The following GABRG3 variants were observed in gnomAD, a reference collection of about 807,000 sequenced individuals.
The protein encoded by GABRG3 is gamma-aminobutyric acid type A receptor subunit gamma3.
Under a neutral mutation model 48.8 loss-of-function variants are expected in GABRG3, and 25 were observed. The observed-to-expected ratio is 0.51, with a 90% CI of 0.37 to 0.72. The LOEUF is 0.72. Among genes scored for constraint, GABRG3 ranks in the 30% least tolerant of loss-of-function variants. The pLI, the probability that GABRG3 is intolerant of heterozygous loss-of-function variation, is 0.00. For synonymous variants in GABRG3, 227 were observed against 217.6 expected (o/e 1.04, Z -0.38); for missense variants, 394 against 577.9 (o/e 0.68, Z 3.26).
intron 5 of GABRG3, among the ~76,000 whole-genome samples, chr15:27,385,525 G>C (rs921481460): frequency 6.6e-6 from 1 of 151,934 alleles, no homozygotes; most frequent in Non-Finnish European, 1.5e-5. Flanking sequence ...ACTAACTGAC[G>C]TCCCACAGGT....
chr15:27,115,140 T>G (rs1206766031), intron 3 of GABRG3, among the ~76,000 whole-genome samples: 1 of 152,120 alleles, frequency 6.6e-6, no homozygotes, highest in Non-Finnish European at 1.5e-5. Context: ...AGGCTATTCT[T>G]TTTCACTAAT....
intron 6 of GABRG3, among the ~76,000 whole-genome samples, chr15:27,507,645 G>T (rs1890793114): frequency 6.6e-6 from 1 of 152,076 alleles, no homozygotes; most frequent in Non-Finnish European, 1.5e-5. Context: ...TTGTTGCCTG[G>T]AGTATTATAT....
intron 5 of GABRG3, among the ~76,000 whole-genome samples, chr15:27,348,825 A>C (rs936500864): frequency 3.3e-5 from 5 of 152,200 alleles, no homozygotes; most frequent in Admixed American, 3.3e-4. Flanking sequence ...AGGCAAGAAA[A>C]TGATAGAACT....
At chr15:27,073,313 CT>C (rs2140736508) in intron 3 of GABRG3, among the ~76,000 whole-genome samples, 1 of 152,354 alleles carries the variant, frequency 6.6e-6, no homozygotes, top group Admixed American at 6.5e-5. Flanking sequence ...TCTGCAAGGT[CT>C]TTCTTGTCCA....
chr15:27,262,633 T>G (rs1890801563), intron 3 of GABRG3, among the ~76,000 whole-genome samples: 1 of 151,546 alleles, frequency 6.6e-6, no homozygotes, highest in South Asian at 2.1e-4. Flanking sequence ...CTTCGACTAT[T>G]GGAGAACTTT....
intron 3 of GABRG3, among the ~76,000 whole-genome samples, chr15:27,116,995 T>C (rs1478524606): frequency 1.3e-5 from 2 of 152,202 alleles, no homozygotes; most frequent in African/African-American, 4.8e-5. Context: ...TATCGTGTTA[T>C]ATCAGTACAC....
In GABRG3 at chr15:27,536,029, C is replaced by CTA. The variant is rs1200769030; in HGVS notation, c.*3149_*3150dup. ...CTGAGTGATCTGCATTCCAAAGGTG[C>CTA]TACTGTGTTCCTCACTTTCAGAAAT... is the stretch of plus-strand genomic sequence containing the variant. On this transcript the variant is annotated 3_prime_UTR_variant, in exon 10 of 10. Transcript: ENST00000615808. 1 of 152,202 alleles carries CTA rather than the reference C, an allele frequency of 6.6e-6. No individual in the cohort carries two copies. The highest frequency in any genetic ancestry group is 1.5e-5 in the Non-Finnish European group (1 of 68,046). 9.4% of individuals were successfully genotyped at this position (152,202 alleles called of 1,614,324 possible). A position where few individuals can be genotyped will look rare whatever the true frequency, so the allele number is the denominator to read the frequency against.
chr15:27,360,358 G>A (rs932180366), intron 5 of GABRG3, among the ~76,000 whole-genome samples: 6 of 152,162 alleles, frequency 3.9e-5, no homozygotes, highest in African/African-American at 1.2e-4. Context: ...GCCTGTGTTG[G>A]AGATCTCCTG....
intron 2 of GABRG3, among the ~76,000 whole-genome samples, chr15:27,000,710 A>T (rs188779458): frequency 1.3e-5 from 2 of 152,178 alleles, no homozygotes; most frequent in Admixed American, 1.3e-4. Flanking sequence ...CATGATTGTA[A>T]GTTTCCTGAG....
intron 3 of GABRG3, among the ~76,000 whole-genome samples, chr15:27,062,434 TAAAAAAAAAAA>T (rs57903886): frequency 2.1e-4 from 7 of 32,866 alleles, no homozygotes; most frequent in Non-Finnish European, 5.1e-4. Flanking sequence ...CCATCTCTAC[TAAAAAAAAAAA>T]AAAAAAAAAA....
At chr15:27,094,662 T>C (rs565676689) in intron 3 of GABRG3, among the ~76,000 whole-genome samples, 23 of 152,290 alleles carry the variant, frequency 1.5e-4, no homozygotes, top group African/African-American at 5.3e-4. Context: ...CACCTACATT[T>C]GCAGAGATGC....
chr15:26,984,146 A>G (rs975147335), intron 2 of GABRG3, among the ~76,000 whole-genome samples: 5 of 152,232 alleles, frequency 3.3e-5, no homozygotes, highest in African/African-American at 9.6e-5. Flanking sequence ...CTTGAGGATA[A>G]TGTGGTATGG....
At position 27,123,268 on chromosome 15, in the gene GABRG3, G is replaced by T. The variant is rs1195149149; in HGVS notation, c.270+96447G>T. Among the ~76,000 whole-genome samples, 4 of 152,130 alleles carry T rather than the reference G, an allele frequency of 2.6e-5. No individual in the cohort carries two copies. The East Asian group carries it at 7.7e-4, about 29-fold the overall frequency. On this transcript the variant is annotated intron_variant, in intron 3 of 9. Transcript: ENST00000615808. ...CTTTTTGACTCTTGGACATTGTTAT[G>T]GTCTGAATGTCTGTGTCCCTGCAAA...
At chr15:27,477,762 C>CG (rs1347140643) in intron 5 of GABRG3, among the ~76,000 whole-genome samples, 1 of 151,942 alleles carries the variant, frequency 6.6e-6, no homozygotes, top group Non-Finnish European at 1.5e-5. Context: ...AAAAGGAGGC[C>CG]GGGCACAGTG....
chr15:27,269,373 G>C (rs1185174423), intron 3 of GABRG3, among the ~76,000 whole-genome samples: 1 of 152,196 alleles, frequency 6.6e-6, no homozygotes, highest in Non-Finnish European at 1.5e-5. Flanking sequence ...CAAGTGACAT[G>C]TTGTTCTTGT....
In GABRG3 at chr15:27,447,302, G is replaced by A. The variant is rs140070322; in HGVS notation, c.575-33348G>A. 1.2e-3 allele frequency among the ~76,000 whole-genome samples: 180 copies of A among 152,256 alleles called. No homozygotes were observed. Among genetic ancestry groups the A allele is most frequent in the African/African-American group, 3.8e-3 (158 of 41,554 alleles). On this transcript the variant is annotated intron_variant, in intron 5 of 9. Coordinates refer to ENST00000615808, the MANE Select transcript of GABRG3 (RefSeq NM_033223.5). This position sits in a 1 kb window ranked among gnomAD's most constrained non-coding sequence, Gnocchi z 4.0. The stretch of plus-strand genomic sequence containing the variant: ...CTGCAGCACCCCAGGGAAAGGAGTC[G>A]AGCATGGCTGAGACTGGGCATGTAG...
At chr15:27,497,042 C>T (rs1271368105) in intron 6 of GABRG3, among the ~76,000 whole-genome samples, 1 of 152,188 alleles carries the variant, frequency 6.6e-6, no homozygotes, top group Non-Finnish European at 1.5e-5. Flanking sequence ...CAGTCCATAG[C>T]CCAGATGCAG....
intron 3 of GABRG3, among the ~76,000 whole-genome samples, chr15:27,190,986 A>G (rs1566959768): frequency 6.6e-6 from 1 of 152,108 alleles, no homozygotes. Context: ...TTATGTACCC[A>G]GTAGTCATTT....
intron 3 of GABRG3, among the ~76,000 whole-genome samples, chr15:27,297,761 A>T (rs754264624): frequency 6.6e-5 from 10 of 152,188 alleles, no homozygotes; most frequent in Non-Finnish European, 1.2e-4. Context: ...AACATAGATT[A>T]TATAAAATAA....
Sources: allele counts gnomAD v4.1 joint callset (sites outside exome capture counted in the v4.1 genomes callset), GRCh38; gene constraint gnomAD v4.1.1; non-coding constraint Gnocchi (gnomAD v3.1); transcripts MANE v1.5; gene names NCBI Gene and HGNC (gene_info 2026-07-23, HGNC 2026-07-21).